Variants in ZNF423 observed in about 807,000 individuals in gnomAD.
ZNF423 encodes the protein zinc finger protein 423, also known as Ebf-associated zinc finger protein.
A neutral mutation model predicts 95.8 loss-of-function variants in ZNF423; 12 were observed. The ratio of observed to expected loss-of-function variants is 0.13; its 90% CI spans 0.08 to 0.20. The LOEUF is 0.20. Ranked by LOEUF, ZNF423 falls within the 10% of genes least tolerant of loss-of-function variation. The pLI, the probability that ZNF423 is intolerant of heterozygous loss-of-function variation, is 1.00. For synonymous variants in ZNF423, 749 were observed against 711.9 expected (o/e 1.05, Z -0.83); for missense variants, 1,316 against 1,737.1 (o/e 0.76, Z 4.31).
At chr16:49,792,602 G>A (rs150999735) in intron 1 of ZNF423, among the ~76,000 whole-genome samples, 11 of 152,286 alleles carry the variant, frequency 7.2e-5, no homozygotes, top group East Asian at 1.9e-4. Context: ...CCTTACTTAC[G>A]ACTTGGGTGT....
At chr16:49,859,021 C>G (rs2035403084), upstream of ZNF423, among the ~76,000 whole-genome samples, 1 of 152,208 alleles carries the variant, frequency 6.6e-6, no homozygotes, top group Non-Finnish European at 1.5e-5. Context: ...CTCGCCCGCC[C>G]AGGCTTTCTG....
At position 49,841,424 on chromosome 16, in the gene ZNF423, A is replaced by C. The variant is rs183437033; in HGVS notation, c.40+14311T>G. 1.1e-3 allele frequency among the ~76,000 whole-genome samples: 168 copies of C among 152,278 alleles called. 1 individual carries two copies. The Middle Eastern group carries it at 0.014, about 12-fold the overall frequency. On this transcript the variant is annotated intron_variant, in intron 1 of 7. Transcript: ENST00000563137. ...AGCTCCAGGACTGCTGGTAAAAAAGAAAGCCTAAGGTCCCCACCTCAGCAG... is the reference window on the plus strand; with the variant it reads ...AGCTCCAGGACTGCTGGTAAAAAAGCAAGCCTAAGGTCCCCACCTCAGCAG...
At chr16:49,686,632 A>G (rs976984667) in intron 3 of ZNF423, among the ~76,000 whole-genome samples, 1 of 151,666 alleles carries the variant, frequency 6.6e-6, no homozygotes, top group African/African-American at 2.4e-5. Flanking sequence ...CCCCTCTCCC[A>G]CCACACCCAG....
intron 5 of ZNF423, among the ~76,000 whole-genome samples, chr16:49,625,105 G>A (rs757361457): frequency 1.7e-4 from 26 of 152,260 alleles, no homozygotes; most frequent in Non-Finnish European, 2.6e-4. Flanking sequence ...CAGGCCAGGC[G>A]TGGTGGCTCA....
chr16:49,643,310 T>C (rs1973045861), intron 3 of ZNF423, among the ~76,000 whole-genome samples: 1 of 152,192 alleles, frequency 6.6e-6, no homozygotes. Flanking sequence ...AGTAAATACT[T>C]GCATCGATTT....
chr16:49,522,572 T>C (rs1280189002), intron 7 of ZNF423, among the ~76,000 whole-genome samples: 2 of 152,146 alleles, frequency 1.3e-5, no homozygotes, highest in Non-Finnish European at 2.9e-5. Context: ...CCCATATCCT[T>C]CCCGACAGGC....
At chr16:49,839,911 C>T (rs2035165481) in intron 1 of ZNF423, among the ~76,000 whole-genome samples, 1 of 152,218 alleles carries the variant, frequency 6.6e-6, no homozygotes, top group Non-Finnish European at 1.5e-5. Context: ...TCCAGGATGG[C>T]CTTCTCTGCA....
chr16:49,845,764 G>A (rs372568337), intron 1 of ZNF423, among the ~76,000 whole-genome samples: 1 of 151,700 alleles, frequency 6.6e-6, no homozygotes, highest in African/African-American at 2.4e-5. Context: ...GGCTGGTCTC[G>A]AACTCCTGAG....
chr16:49,789,780 C>T (rs1041321799), intron 1 of ZNF423, among the ~76,000 whole-genome samples: 1 of 152,128 alleles, frequency 6.6e-6, no homozygotes, highest in Admixed American at 6.5e-5. Flanking sequence ...TTATGGTTTC[C>T]CCAGCCCTGT....
intron 4 of ZNF423, among the ~76,000 whole-genome samples, chr16:49,634,619 C>A (rs952474430): frequency 1.3e-5 from 2 of 152,192 alleles, no homozygotes; most frequent in Non-Finnish European, 2.9e-5. Context: ...GGCAGATGGC[C>A]CTTCCCCAAA....
At chr16:49,694,609 G>C (rs2031902567) in intron 3 of ZNF423, among the ~76,000 whole-genome samples, 1 of 152,058 alleles carries the variant, frequency 6.6e-6, no homozygotes, top group African/African-American at 2.4e-5. Flanking sequence ...AATACCCCCA[G>C]ACTTCTAAGA....
Position 49,638,929 on chromosome 16 carries a change from C to G in ZNF423, c.302-55G>C. The stretch of plus-strand genomic sequence containing the variant: ...GGCAATTCCCAGGGCTGCCGAGAAA[C>G]AAGGACAGAGCCAGCTTCTCGACAG... On this transcript the variant is annotated intron_variant, in intron 3 of 7. Coordinates refer to ENST00000563137, the MANE Select transcript of ZNF423 (RefSeq NM_001379286.1). This position sits in a 1 kb window ranked among gnomAD's most constrained non-coding sequence, Gnocchi z 5.6. 6.5e-7 allele frequency: 1 copy of G among 1,538,190 alleles called. No individual in the cohort carries two copies. The highest frequency in any genetic ancestry group is 8.8e-7 in the Non-Finnish European group (1 of 1,140,828).
chr16:49,529,031 C>T (rs1206763732), intron 5 of ZNF423, among the ~76,000 whole-genome samples: 2 of 151,890 alleles, frequency 1.3e-5, no homozygotes, highest in Non-Finnish European at 2.9e-5. Flanking sequence ...AGCAGAATGA[C>T]AAAGCTGTCT....
chr16:49,600,602 G>C (rs1971333552), intron 5 of ZNF423, among the ~76,000 whole-genome samples: 1 of 152,104 alleles, frequency 6.6e-6, no homozygotes, highest in Admixed American at 6.5e-5. Flanking sequence ...CACAGCAGGG[G>C]AGATGAGGCC....
intron 7 of ZNF423, among the ~76,000 whole-genome samples, chr16:49,519,221 C>T (rs1968283797): frequency 6.6e-6 from 1 of 152,226 alleles, no homozygotes; most frequent in Non-Finnish European, 1.5e-5. Flanking sequence ...CGGTTTGGGG[C>T]CATGACAAAG....
chr16:49,773,694 T>A (rs1455295216), intron 2 of ZNF423, among the ~76,000 whole-genome samples: 1 of 152,226 alleles, frequency 6.6e-6, no homozygotes, highest in South Asian at 2.1e-4. Flanking sequence ...TGTGCTATAG[T>A]GCAGCTCTGC....
At position 49,638,636 on chromosome 16, in the gene ZNF423, G is replaced by A. The variant is rs200570572; in HGVS notation, c.540C>T (p.Ser180=). The A allele has an allele frequency of 1.2e-6, 2 of 1,613,970 alleles. No homozygotes were observed. Among genetic ancestry groups the A allele is most frequent in the East Asian group, 2.2e-5 (1 of 44,866 alleles). ...GGCTCCTCTTGTGCTTGAAGAGGCGGCTGCAGTAGGTGCACTTGAACGGCA... is the reference window on the plus strand; with the variant it reads ...GGCTCCTCTTGTGCTTGAAGAGGCGACTGCAGTAGGTGCACTTGAACGGCA... ...DKLPFKCTYC[S]RLFKHKRSRD... is the part of the protein sequence containing the mutation. The change falls in exon 4 of 8, where the codon AGC becomes AGT. Residue 180 remains serine (S), a synonymous_variant. Coordinates refer to ENST00000563137, the MANE Select transcript of ZNF423 (RefSeq NM_001379286.1). The surrounding 1 kb of genome is among the most constrained non-coding windows in gnomAD (Gnocchi z 5.6).
intron 1 of ZNF423, among the ~76,000 whole-genome samples, chr16:49,818,266 T>A (rs2034887330): frequency 1.3e-5 from 2 of 152,156 alleles, no homozygotes; most frequent in African/African-American, 4.8e-5. Flanking sequence ...GAAACTCAGA[T>A]GCCCGGGCGC....
At position 49,626,129 on chromosome 16, in the gene ZNF423, A is replaced by G. The variant is rs752795284; in HGVS notation, c.3601+41T>C. The G allele has an allele frequency of 8.7e-6, 14 of 1,601,690 alleles. No homozygotes were observed. The African/African-American group carries it at 1.3e-4, about 15-fold the overall frequency. On this transcript the variant is annotated intron_variant, in intron 5 of 7. Coordinates refer to ENST00000563137, the MANE Select transcript of ZNF423 (RefSeq NM_001379286.1). Reference sequence around the variant, plus strand: ...TTGGAACCGCAAATTTAAAACCCCAAAGAGTAGCTCCAGCATGGCTGGGAG... The same window carrying G: ...TTGGAACCGCAAATTTAAAACCCCAGAGAGTAGCTCCAGCATGGCTGGGAG...
Sources: allele counts gnomAD v4.1 joint callset (sites outside exome capture counted in the v4.1 genomes callset), GRCh38; gene constraint gnomAD v4.1.1; non-coding constraint Gnocchi (gnomAD v3.1); transcripts MANE v1.5; gene names NCBI Gene and HGNC (gene_info 2026-07-23, HGNC 2026-07-21).